Variants in CROT observed in about 807,000 individuals in gnomAD.
CROT encodes peroxisomal carnitine O-octanoyltransferase.
A neutral mutation model predicts 89.2 loss-of-function variants in CROT; 84 were observed. The observed-to-expected ratio is 0.94, with a 90% CI of 0.79 to 1.13. The LOEUF is 1.13. CROT is among the 50% of genes most tolerant of loss of function. The probability of loss-of-function intolerance (pLI) is 0.00; values close to 1 mark genes in which losing one functional copy is unlikely to be tolerated. For missense variants in CROT, 711 were observed against 727.8 expected (o/e 0.98, Z 0.27); for synonymous variants, 212 against 239.5 (o/e 0.89, Z 1.06).
Position 87,373,502 on chromosome 7 carries a change from A to T in CROT, c.657-2130A>T, listed in dbSNP as rs539449481. On this transcript the variant is annotated intron_variant, in intron 7 of 17. Transcript: ENST00000331536. ...ATCTAAGAAACCATTGCCTAATCTGAGGACATGAAGATTTACACATATATT... is the reference window on the plus strand; with the variant it reads ...ATCTAAGAAACCATTGCCTAATCTGTGGACATGAAGATTTACACATATATT... Among the ~76,000 whole-genome samples, 392 of 152,196 alleles carry T rather than the reference A, an allele frequency of 2.6e-3. 3 individuals carry two copies. Among genetic ancestry groups the T allele is most frequent in the Non-Finnish European group, 2.8e-3 (188 of 67,966 alleles).
In CROT at chr7:87,375,814, T is replaced by C. The variant is rs1490753633; in HGVS notation, c.751-14T>C. The C allele has an allele frequency of 6.2e-7, 1 of 1,613,108 alleles. No homozygotes were observed. The highest frequency in any genetic ancestry group is 1.7e-5 in the Admixed American group (1 of 59,878). ...TCAGTTGTAATATTTGATCATCATC[T>C]CCTTGCCCTTTAGGCACGAGAATAT... On this transcript the variant is annotated splice_polypyrimidine_tract_variant and intron_variant, in intron 8 of 17. Coordinates refer to ENST00000331536, the MANE Select transcript of CROT (RefSeq NM_021151.4).
rs1467559301 is a variant in CROT at position 87,349,132 on chromosome 7, T to A, written c.64T>A (p.Ser22Thr). The A allele has an allele frequency of 6.2e-7, 1 of 1,608,194 alleles. No homozygotes were observed. The highest frequency in any genetic ancestry group is 8.5e-7 in the Non-Finnish European group (1 of 1,176,280). Reference protein sequence around the residue: ...RTFQYQDSLPSLPVPSLEESL... With the variant: ...RTFQYQDSLPTLPVPSLEESL... Reference sequence around the variant, plus strand: ...ATTTCAGTACCAGGATTCTCTTCCATCACTGCCTGTTCCTTCACTTGAAGA... The same window carrying A: ...ATTTCAGTACCAGGATTCTCTTCCAACACTGCCTGTTCCTTCACTTGAAGA... The change falls in exon 3 of 18, where the codon TCA becomes ACA. Residue 22 changes from serine to threonine, a missense_variant. By Grantham distance (58) the Ser-to-Thr change is moderately conservative. Coordinates refer to ENST00000331536, the MANE Select transcript of CROT (RefSeq NM_021151.4).
chr7:87,382,212 A>C, intron 12 of CROT, 31 bp downstream of exon 12: 1 of 1,545,736 alleles, frequency 6.5e-7, no homozygotes, highest in South Asian at 1.2e-5. Context: ...TTAAATAATA[A>C]TGATTTTTTC....
chr7:87,375,552 C>A, intron 7 of CROT, 80 bp from the exon 8 acceptor site: 1 of 909,358 alleles, frequency 1.1e-6, no homozygotes, highest in Non-Finnish European at 1.7e-6. Flanking sequence ...AAATATTGAT[C>A]AATGTTATGA....
At chr7:87,382,233 C>A in intron 12 of CROT, 52 bp downstream of exon 12, 2 of 1,497,864 alleles carry the variant, frequency 1.3e-6, no homozygotes, top group South Asian at 1.2e-5. Context: ...TTTTAACAAC[C>A]ATATGTAAAA....
intron 3 of CROT, among the ~76,000 whole-genome samples, chr7:87,352,112 C>T (rs1429857547): frequency 6.6e-6 from 1 of 152,238 alleles, no homozygotes; most frequent in African/African-American, 2.4e-5. Flanking sequence ...TGTCCAATCT[C>T]CCTGCTTCCC....
Position 87,369,403 on chromosome 7 carries a change from T to C in CROT, c.575T>C (p.Ile192Thr), listed in dbSNP as rs777429310. ...AGTGAAGGGCGTTCCCCAAACCACA[T>C]TGTAGTGCTGTGTCGAGGCCGAGCT... ...TESEGRSPNH[I>T]VVLCRGRAFV... is the part of the protein sequence containing the mutation. The change falls in exon 7 of 18, where the codon ATT becomes ACT. Residue 192 changes from isoleucine to threonine, a missense_variant. Coordinates refer to ENST00000331536, the MANE Select transcript of CROT (RefSeq NM_021151.4). 9.3e-6 allele frequency: 15 copies of C among 1,612,684 alleles called. No individual in the cohort carries two copies. Among genetic ancestry groups the C allele is most frequent in the Non-Finnish European group, 1.2e-5 (14 of 1,179,288 alleles).
In CROT at chr7:87,369,438, G is replaced by C. The variant is rs764365950; in HGVS notation, c.610G>C (p.Asp204His). Residue 204 changes from aspartate (D) to histidine (H), a missense_variant, in exon 7 of 18, where the codon GAT (aspartate) becomes CAT (histidine). Physicochemically the swap from Asp to His is moderately conservative, Grantham distance 81. Coordinates refer to ENST00000331536, the MANE Select transcript of CROT (RefSeq NM_021151.4). Reference protein sequence around the residue: ...VLCRGRAFVFDVIHEGCLVTP... With the variant: ...VLCRGRAFVFHVIHEGCLVTP... ...GTGTCGAGGCCGAGCTTTTGTCTTT[G>C]ATGTAATACATGAAGGATGTTTGGT... is the stretch of plus-strand genomic sequence containing the variant. 1.2e-6 allele frequency: 2 copies of C among 1,613,124 alleles called. No individual in the cohort carries two copies. Among genetic ancestry groups the C allele is most frequent in the South Asian group, 2.2e-5 (2 of 91,012 alleles).
At chr7:87,377,511 C>A in intron 10 of CROT, 61 bp downstream of exon 10, 2 of 961,774 alleles carry the variant, frequency 2.1e-6, no homozygotes, top group Non-Finnish European at 3.3e-6. Flanking sequence ...TGACAATAAA[C>A]CATAAATACT....
At position 87,392,604 on chromosome 7, in the gene CROT, A is replaced by G; in HGVS notation, c.1464A>G (p.Ala488=). The part of the protein sequence containing the change: ...ERQQKMLQAF[A]KHNKMMKDCS... ...AGCAAAAGATGTTACAAGCTTTTGC[A>G]AAGCATAATAAAATGATGAAAGATT... is the stretch of plus-strand genomic sequence containing the variant. Residue 488 remains alanine, a synonymous_variant, in exon 15 of 18, where the codon GCA becomes GCG. Coordinates refer to ENST00000331536, the MANE Select transcript of CROT (RefSeq NM_021151.4). 1 of 1,613,626 alleles carries G rather than the reference A, an allele frequency of 6.2e-7. No homozygotes were observed. The highest frequency in any genetic ancestry group is 8.5e-7 in the Non-Finnish European group (1 of 1,179,726).
chr7:87,348,606 G>A (rs896136775), intron 2 of CROT, among the ~76,000 whole-genome samples: 1 of 152,148 alleles, frequency 6.6e-6, no homozygotes, highest in Admixed American at 6.5e-5. Flanking sequence ...TTTGTATAGG[G>A]GAAAGATTGT....
chr7:87,351,413 A>G (rs1805866782), intron 3 of CROT, among the ~76,000 whole-genome samples: 1 of 152,140 alleles, frequency 6.6e-6, no homozygotes, highest in Non-Finnish European at 1.5e-5. Flanking sequence ...TTGATATGCC[A>G]AGGTAAGCCT....
intron 2 of CROT, among the ~76,000 whole-genome samples, chr7:87,347,354 G>A (rs1023631458): frequency 4.6e-5 from 7 of 152,192 alleles, no homozygotes; most frequent in African/African-American, 1.4e-4. Context: ...TTTATAATGT[G>A]CTTTCACAGG....
intron 5 of CROT, 46 bp downstream of exon 5, chr7:87,361,617 G>A: frequency 6.5e-7 from 1 of 1,545,008 alleles, no homozygotes; most frequent in Non-Finnish European, 8.7e-7. Flanking sequence ...TGAAGTCTCA[G>A]GTAGCAAAAT....
Position 87,398,768 on chromosome 7 carries a change from C to A in CROT, c.*124C>A. Reference sequence around the variant, plus strand: ...ACATTCCTTTAACAAGTTAAGAAAACTTGTTAAATGTAGAAATTAGTAGAA... The same window carrying A: ...ACATTCCTTTAACAAGTTAAGAAAAATTGTTAAATGTAGAAATTAGTAGAA... On this transcript the variant is annotated 3_prime_UTR_variant, in exon 18 of 18. Coordinates refer to ENST00000331536, the MANE Select transcript of CROT (RefSeq NM_021151.4). 1.1e-6 allele frequency: 1 copy of A among 907,010 alleles called. No individual in the cohort carries two copies. The highest frequency in any genetic ancestry group is 1.6e-6 in the Non-Finnish European group (1 of 611,066). 56.2% of individuals were successfully genotyped at this position (907,010 alleles called of 1,614,324 possible).
intron 13 of CROT, among the ~76,000 whole-genome samples, chr7:87,386,616 T>C (rs1807190711): frequency 6.6e-6 from 1 of 152,178 alleles, no homozygotes; most frequent in African/African-American, 2.4e-5. Context: ...TTTGGAGCTC[T>C]TGTAAAAGTT....
At chr7:87,385,041 A>G (rs1439022338) in intron 13 of CROT, among the ~76,000 whole-genome samples, 2 of 151,508 alleles carry the variant, frequency 1.3e-5, no homozygotes, top group African/African-American at 4.9e-5. Context: ...ATTCTGTTCC[A>G]TTGGTCTGTA....
rs374437685 is a variant in CROT at position 87,375,749 on chromosome 7, C to T, written c.750+24C>T. The stretch of plus-strand genomic sequence containing the variant: ...AGGTTCTGATTTACACTTTTCTTAA[C>T]GAAGCTTTTCTCTAACAAACTCTTT... On this transcript the variant is annotated intron_variant, in intron 8 of 17. Coordinates refer to ENST00000331536, the MANE Select transcript of CROT (RefSeq NM_021151.4). 56 of 1,611,842 alleles carry T rather than the reference C, an allele frequency of 3.5e-5. No homozygotes were observed. The African/African-American group carries it at 5.2e-4, about 15-fold the overall frequency.
chr7:87,352,957 C>A (rs1329519458), intron 3 of CROT, among the ~76,000 whole-genome samples: 1 of 152,144 alleles, frequency 6.6e-6, no homozygotes, highest in African/African-American at 2.4e-5. Context: ...TTGTCCAGGT[C>A]TAAAGACAAG....
Sources: allele counts gnomAD v4.1 joint callset (sites outside exome capture counted in the v4.1 genomes callset), GRCh38; gene constraint gnomAD v4.1.1; transcripts MANE v1.5; gene names NCBI Gene and HGNC (gene_info 2026-07-23, HGNC 2026-07-21).